The following AK9 variants were observed in gnomAD, a reference collection of about 807,000 sequenced individuals.
AK9 encodes adenylate kinase domain containing 1.
A neutral mutation model predicts 239.6 loss-of-function variants in AK9; 191 were observed. That is an observed-to-expected ratio of 0.80 (90% CI 0.71 to 0.90). The LOEUF is 0.90. Among genes scored for constraint, AK9 ranks in the 40% least tolerant of loss-of-function variants. The pLI is 0.00. For synonymous variants in AK9, 689 were observed against 721.0 expected (o/e 0.96, Z 0.71); for missense variants, 1,995 against 2,214.7 (o/e 0.90, Z 1.99).
At chr6:109,579,762 T>C in intron 19 of AK9, 136 bp from the exon 20 acceptor site, 1 of 774,278 alleles carries the variant, frequency 1.3e-6, no homozygotes, top group Non-Finnish European at 1.9e-6. Context: ...ATTTTTAAAT[T>C]ACTCATGTTG....
chr6:109,572,573 A>T (rs1230706057), intron 21 of AK9, among the ~76,000 whole-genome samples: 1 of 152,180 alleles, frequency 6.6e-6, no homozygotes, highest in Non-Finnish European at 1.5e-5. Context: ...GGGCTCTTAG[A>T]TATGCATAAT....
At chr6:109,540,546 G>A (rs1782742501) in intron 27 of AK9, among the ~76,000 whole-genome samples, 1 of 152,206 alleles carries the variant, frequency 6.6e-6, no homozygotes, top group Admixed American at 6.5e-5. Context: ...ACCCCTTGCA[G>A]TTCCCTGGTG....
chr6:109,638,071 CA>C (rs1173560029), intron 10 of AK9, among the ~76,000 whole-genome samples: 2 of 152,194 alleles, frequency 1.3e-5, no homozygotes, highest in Admixed American at 6.5e-5. Flanking sequence ...CCAGCATACA[CA>C]GCCACATCTT....
intron 17 of AK9, among the ~76,000 whole-genome samples, chr6:109,594,168 T>C (rs540471492): frequency 6.6e-6 from 1 of 152,288 alleles, no homozygotes; most frequent in South Asian, 2.1e-4. Flanking sequence ...TTCAGCAAAG[T>C]CTCAGTATAC....
At chr6:109,533,842 A>C (rs1172753134) in intron 27 of AK9, among the ~76,000 whole-genome samples, 1 of 152,150 alleles carries the variant, frequency 6.6e-6, no homozygotes, top group African/African-American at 2.4e-5. Flanking sequence ...ATTACTATTA[A>C]CTGAAAGTTT....
chr6:109,605,172 T>G (rs1193057502), intron 17 of AK9, among the ~76,000 whole-genome samples: 2 of 152,152 alleles, frequency 1.3e-5, no homozygotes, highest in Non-Finnish European at 2.9e-5. Flanking sequence ...TTGGGCATGG[T>G]GGCAAGTAGT....
At chr6:109,513,389 T>C (rs570407359) in intron 32 of AK9, among the ~76,000 whole-genome samples, 15 of 152,344 alleles carry the variant, frequency 9.8e-5, no homozygotes, top group Admixed American at 5.2e-4. Flanking sequence ...AACTTACTCT[T>C]TCCCCTTGCC....
chr6:109,608,114 A>G (rs1312987992), intron 17 of AK9, among the ~76,000 whole-genome samples: 2 of 151,690 alleles, frequency 1.3e-5, no homozygotes, highest in African/African-American at 4.8e-5. Context: ...CGTCTTTACT[A>G]AAAAAATACA....
chr6:109,576,071 A>C (rs1280788147), intron 20 of AK9, among the ~76,000 whole-genome samples: 1 of 152,134 alleles, frequency 6.6e-6, no homozygotes, highest in Non-Finnish European at 1.5e-5. Flanking sequence ...TTTGGTAACT[A>C]TATCCTTGAA....
intron 8 of AK9, among the ~76,000 whole-genome samples, chr6:109,646,697 T>A (rs928707755): frequency 1.3e-5 from 2 of 152,112 alleles, no homozygotes; most frequent in Admixed American, 1.3e-4. Flanking sequence ...TTCCCCAACC[T>A]AGCAAGGCAG....
intron 28 of AK9, among the ~76,000 whole-genome samples, chr6:109,529,995 A>G (rs1465150017): frequency 6.6e-6 from 1 of 152,164 alleles, no homozygotes; most frequent in African/African-American, 2.4e-5. Flanking sequence ...CTAAAAATAC[A>G]TATGTCCACA....
intron 37 of AK9, 36 bp from the exon 38 acceptor site, chr6:109,497,599 T>C (rs767002176): frequency 2.1e-6 from 3 of 1,432,048 alleles, no homozygotes; most frequent in Non-Finnish European, 1.9e-6. Flanking sequence ...ACCTCTATTG[T>C]ATAATTAATA....
chr6:109,626,233 C>CT (rs35877712), intron 12 of AK9, among the ~76,000 whole-genome samples: 88,582 of 151,980 alleles, frequency 0.58, 27,493 homozygotes, highest in East Asian at 0.84. Flanking sequence ...TTATAAAGAC[C>CT]TTAAGCATTA....
intron 27 of AK9, among the ~76,000 whole-genome samples, chr6:109,535,575 T>TA (rs1350906870): frequency 2.0e-5 from 3 of 152,214 alleles, no homozygotes; most frequent in Non-Finnish European, 4.4e-5. Flanking sequence ...ACTCTGATGG[T>TA]AGTTTCTTTT....
At chr6:109,596,964 A>G (rs1284322425) in intron 17 of AK9, among the ~76,000 whole-genome samples, 1 of 152,174 alleles carries the variant, frequency 6.6e-6, no homozygotes. Flanking sequence ...CAAACAAATA[A>G]ACCTTAATTT....
At chr6:109,542,576 T>C (rs1165221750) in intron 26 of AK9, among the ~76,000 whole-genome samples, 2 of 152,188 alleles carry the variant, frequency 1.3e-5, no homozygotes, top group Non-Finnish European at 2.9e-5. Context: ...ATATCACAGG[T>C]ACCCCATAAA....
At chr6:109,644,493 T>G in intron 9 of AK9, 121 bp downstream of exon 9, 3 of 807,388 alleles carry the variant, frequency 3.7e-6, no homozygotes, top group Non-Finnish European at 5.5e-6. Flanking sequence ...TAAGACAGAT[T>G]GTTCAAAGAT....
intron 17 of AK9, among the ~76,000 whole-genome samples, chr6:109,600,678 G>GT: frequency 6.6e-6 from 1 of 152,224 alleles, no homozygotes; most frequent in Middle Eastern, 3.4e-3. Context: ...TGTACCTCTG[G>GT]TAGAATTCGG....
chr6:109,587,830 A>G (rs1397903807), intron 17 of AK9, among the ~76,000 whole-genome samples: 3 of 152,162 alleles, frequency 2.0e-5, no homozygotes, highest in Non-Finnish European at 4.4e-5. Flanking sequence ...TTGCGGTTCA[A>G]TGGTAGTCTT....
Sources: allele counts gnomAD v4.1 joint callset (sites outside exome capture counted in the v4.1 genomes callset), GRCh38; gene constraint gnomAD v4.1.1; transcripts MANE v1.5; gene names NCBI Gene and HGNC (gene_info 2026-07-23, HGNC 2026-07-21).